The following CDKAL1 variants were observed in gnomAD, a reference collection of about 807,000 sequenced individuals.
CDKAL1 encodes CDKAL1 threonylcarbamoyladenosine tRNA methylthiotransferase.
CDKAL1 carries 32 observed loss-of-function variants against 68.2 expected under a neutral mutation model. The observed-to-expected ratio is 0.47, with a 90% CI of 0.35 to 0.63. The LOEUF (loss-of-function observed/expected upper bound fraction) is 0.63, where lower values mean the gene tolerates loss of function less well. Ranked by LOEUF, CDKAL1 falls within the 30% of genes least tolerant of loss-of-function variation. CDKAL1 has a pLI of 0.00. For synonymous variants in CDKAL1, 234 were observed against 244.3 expected (o/e 0.96, Z 0.39); for missense variants, 606 against 696.7 (o/e 0.87, Z 1.47).
intron 9 of CDKAL1, among the ~76,000 whole-genome samples, chr6:20,922,477 A>G (rs142285730): frequency 1.5e-3 from 223 of 152,288 alleles, no homozygotes; most frequent in Admixed American, 2.3e-3. Context: ...ATTTTAAGCC[A>G]TTGTACATCT....
chr6:20,543,287 T>C (rs1763458843), intron 2 of CDKAL1, among the ~76,000 whole-genome samples: 1 of 152,256 alleles, frequency 6.6e-6, no homozygotes, highest in Admixed American at 6.5e-5. Context: ...CCTCCAGGAC[T>C]GTATGAATGA....
intron 10 of CDKAL1, among the ~76,000 whole-genome samples, chr6:20,981,409 C>G (rs1419292122): frequency 1.3e-5 from 2 of 152,176 alleles, no homozygotes; most frequent in African/African-American, 4.8e-5. Context: ...CGTTCTTGCA[C>G]TTTCTGAGAC....
chr6:20,966,212 T>C (rs1765304352), intron 10 of CDKAL1, among the ~76,000 whole-genome samples: 1 of 152,194 alleles, frequency 6.6e-6, no homozygotes, highest in Non-Finnish European at 1.5e-5. Context: ...AGATACTAAA[T>C]TGTTGCTTTT....
At chr6:21,025,189 A>G (rs1045976856) in intron 11 of CDKAL1, among the ~76,000 whole-genome samples, 3 of 152,202 alleles carry the variant, frequency 2.0e-5, no homozygotes, top group East Asian at 1.9e-4. Context: ...AGATTGTACA[A>G]TCAGTCACCT....
chr6:21,065,316 G>A, intron 12 of CDKAL1, 88 bp downstream of exon 12: 1 of 1,011,740 alleles, frequency 9.9e-7, no homozygotes, highest in Non-Finnish European at 1.5e-6. Context: ...ACTTGCTCAT[G>A]TTATAACCCT....
chr6:20,541,554 A>G (rs771196828), intron 2 of CDKAL1, among the ~76,000 whole-genome samples: 1 of 152,196 alleles, frequency 6.6e-6, no homozygotes, highest in African/African-American at 2.4e-5. Flanking sequence ...TAGGCTTCTC[A>G]TGACTGACCT....
intron 13 of CDKAL1, among the ~76,000 whole-genome samples, chr6:21,156,424 CAAA>C (rs372631710): frequency 3.5e-5 from 3 of 85,150 alleles, no homozygotes; most frequent in Non-Finnish European, 2.3e-5. Flanking sequence ...ACCCTGTCTC[CAAA>C]AAAAAAAAAA....
chr6:20,802,610 A>G (rs1776415887), intron 8 of CDKAL1, among the ~76,000 whole-genome samples: 1 of 152,150 alleles, frequency 6.6e-6, no homozygotes, highest in African/African-American at 2.4e-5. Context: ...ATGTTCTTCA[A>G]CATAAGCATT....
chr6:20,665,581 TC>T (rs1769496378), intron 5 of CDKAL1, among the ~76,000 whole-genome samples: 1 of 152,110 alleles, frequency 6.6e-6, no homozygotes, highest in Non-Finnish European at 1.5e-5. Context: ...AGTATGTTCT[TC>T]CTTCCATTTT....
chr6:20,741,506 G>A (rs1054473851), intron 6 of CDKAL1, among the ~76,000 whole-genome samples: 5 of 151,804 alleles, frequency 3.3e-5, no homozygotes, highest in African/African-American at 1.2e-4. Context: ...TGGTGTTACC[G>A]CCAATGTGTC....
chr6:21,205,562 G>A (rs1582414189), intron 15 of CDKAL1, among the ~76,000 whole-genome samples: 1 of 151,456 alleles, frequency 6.6e-6, no homozygotes, highest in Admixed American at 6.6e-5. Flanking sequence ...ACAGAGTCTC[G>A]CCCTGTCGCC....
chr6:20,823,973 G>C (rs1276357569), intron 8 of CDKAL1, among the ~76,000 whole-genome samples: 1 of 152,054 alleles, frequency 6.6e-6, no homozygotes. Flanking sequence ...AACCACCACT[G>C]GTGGATGTTC....
At chr6:21,073,839 TA>T (rs1324589288) in intron 12 of CDKAL1, among the ~76,000 whole-genome samples, 5 of 138,858 alleles carry the variant, frequency 3.6e-5, no homozygotes. Flanking sequence ...TTTGTTTATT[TA>T]TTTTGTTTAT....
intron 9 of CDKAL1, among the ~76,000 whole-genome samples, chr6:20,945,881 A>G (rs1764213957): frequency 6.6e-6 from 1 of 152,176 alleles, no homozygotes; most frequent in African/African-American, 2.4e-5. Flanking sequence ...TTTCCCCTCC[A>G]AATAAAGAAT....
At chr6:21,068,890 G>A (rs1771600878) in intron 12 of CDKAL1, among the ~76,000 whole-genome samples, 1 of 151,958 alleles carries the variant, frequency 6.6e-6, no homozygotes, top group Admixed American at 6.6e-5. Context: ...TATCGATAAT[G>A]TTTTATAATT....
intron 8 of CDKAL1, among the ~76,000 whole-genome samples, chr6:20,806,682 G>C (rs1026414978): frequency 3.9e-5 from 6 of 152,046 alleles, no homozygotes; most frequent in African/African-American, 9.7e-5. Context: ...GTCTGAGATG[G>C]TATCTCAGAC....
intron 13 of CDKAL1, among the ~76,000 whole-genome samples, chr6:21,123,048 T>C (rs1184777036): frequency 6.6e-6 from 1 of 152,168 alleles, no homozygotes; most frequent in Non-Finnish European, 1.5e-5. Flanking sequence ...ACATGCTGTG[T>C]AAAATATGAA....
At chr6:21,063,306 T>C (rs930993007) in intron 11 of CDKAL1, among the ~76,000 whole-genome samples, 2 of 152,178 alleles carry the variant, frequency 1.3e-5, no homozygotes, top group African/African-American at 4.8e-5. Flanking sequence ...TAATACTGGA[T>C]TTTTAAATAA....
chr6:20,569,968 T>C (rs989122255), intron 4 of CDKAL1, among the ~76,000 whole-genome samples: 4 of 152,138 alleles, frequency 2.6e-5, no homozygotes, highest in African/African-American at 9.7e-5. Context: ...GGAAGCTGTG[T>C]TGGAGGGTGT....
Sources: allele counts gnomAD v4.1 joint callset (sites outside exome capture counted in the v4.1 genomes callset), GRCh38; gene constraint gnomAD v4.1.1; transcripts MANE v1.5; gene names NCBI Gene and HGNC (gene_info 2026-07-23, HGNC 2026-07-21).